The following MS4A18 variants were observed in gnomAD, a reference collection of about 807,000 sequenced individuals.
MS4A18 encodes membrane-spanning 4-domains subfamily A member 18.
A neutral mutation model predicts 13.1 loss-of-function variants in MS4A18; 27 were observed. That is an observed-to-expected ratio of 2.06 (90% CI 1.52 to 2.84). The LOEUF (loss-of-function observed/expected upper bound fraction) is 2.84, where lower values mean the gene tolerates loss of function less well. Among genes scored for constraint, MS4A18 ranks in the 30% most tolerant of loss-of-function variants. The pLI, the probability that MS4A18 is intolerant of heterozygous loss-of-function variation, is 0.00. For synonymous variants in MS4A18, 126 were observed against 76.5 expected (o/e 1.65, Z -3.38); for missense variants, 307 against 196.4 (o/e 1.56, Z -3.37).
chr11:60,727,218 G>A (rs567275878), upstream of MS4A18, among the ~76,000 whole-genome samples: 17 of 152,212 alleles, frequency 1.1e-4, no homozygotes, highest in Admixed American at 2.6e-4. Context: ...TTCTCTTATG[G>A]GTGGTCTCTA....
chr11:60,733,418 C>A (rs574704193), intron 1 of MS4A18, 116 bp from the exon 3 acceptor site: 1 of 668,204 alleles, frequency 1.5e-6, no homozygotes, highest in Non-Finnish European at 2.7e-6. Flanking sequence ...TGGGATGAGC[C>A]CCCAACACCA....
At chr11:60,729,030 C>T (rs923736084), upstream of MS4A18, among the ~76,000 whole-genome samples, 4 of 152,160 alleles carry the variant, frequency 2.6e-5, no homozygotes, top group Non-Finnish European at 5.9e-5. Context: ...GATTAAAATG[C>T]CAACTGCAGG....
At chr11:60,744,778 C>T (rs1225809436), downstream of MS4A18, among the ~76,000 whole-genome samples, 1 of 152,128 alleles carries the variant, frequency 6.6e-6, no homozygotes, top group Non-Finnish European at 1.5e-5. Context: ...ATGTTATTAG[C>T]CATTAAGTAC....
At chr11:60,738,853 C>T (rs1248430677) in intron 3 of MS4A18, 49 bp from the exon 5 acceptor site, 4 of 699,970 alleles carry the variant, frequency 5.7e-6, no homozygotes, top group Non-Finnish European at 1.0e-5. Flanking sequence ...AGCCAGGCTT[C>T]AGACTCTTCA....
chr11:60,743,482 T>C (rs1179888757), intron 5 of MS4A18, among the ~76,000 whole-genome samples, 168 bp from the exon 7 acceptor site: 1 of 152,192 alleles, frequency 6.6e-6, no homozygotes, highest in Non-Finnish European at 1.5e-5. Context: ...ACTGTACAGA[T>C]CATATTTACT....
chr11:60,739,973 G>A lies in MS4A18; in HGVS notation c.744+976G>A, dbSNP rs538516066. Among the ~76,000 whole-genome samples, 3 of 152,320 alleles carry A rather than the reference G, an allele frequency of 2.0e-5. No homozygotes were observed. In the East Asian group the frequency reaches 5.8e-4, roughly 29 times the overall value. On this transcript the variant is annotated intron_variant, in intron 4 of 5. Coordinates refer to ENST00000529108, the Ensembl canonical transcript of MS4A18. ...CTACAGGGGTGAGGGCAGTCCCTAA[G>A]GGGAGAGCTCCCTGAAGGCCCCAGG... is the stretch of plus-strand genomic sequence containing the variant.
At chr11:60,728,926 G>A (rs575868523), upstream of MS4A18, among the ~76,000 whole-genome samples, 1 of 152,292 alleles carries the variant, frequency 6.6e-6, no homozygotes, top group East Asian at 1.9e-4. Context: ...AGCATTTGGG[G>A]TCAGTTGTTC....
Position 60,729,806 on chromosome 11 carries a change from C to T in MS4A18, c.477+14C>T, listed in dbSNP as rs1853226402. ...TTAGGGGTGAGTGTGATTTCTCCTT[C>T]TCTCCGATTTGGGTCACTTCATAAG... On this transcript the variant is annotated intron_variant, in intron 1 of 5. Coordinates refer to ENST00000529108, the Ensembl canonical transcript of MS4A18. The T allele has an allele frequency of 5.9e-6, 4 of 677,566 alleles. No homozygotes were observed. The highest frequency in any genetic ancestry group is 1.1e-5 in the Non-Finnish European group (4 of 371,676). The allele number at this position is 677,566 out of a possible 1,614,324, so 42.0% of individuals were successfully genotyped here.
chr11:60,728,254 CA>C (rs1485250701), upstream of MS4A18, among the ~76,000 whole-genome samples: 1 of 152,174 alleles, frequency 6.6e-6, no homozygotes, highest in Non-Finnish European at 1.5e-5. Flanking sequence ...AAATCATACA[CA>C]AAATGCCTTA....
chr11:60,734,812 C>A (rs369547271), intron 2 of MS4A18, among the ~76,000 whole-genome samples: 1 of 147,372 alleles, frequency 6.8e-6, no homozygotes, highest in Admixed American at 6.8e-5. Context: ...GGTGGAGTCT[C>A]GCTCTGTTGC....
Position 60,738,212 on chromosome 11 carries a change from G to C in MS4A18, c.649-690G>C, listed in dbSNP as rs983075675. ...TAACCCTCTTAAAGGGAAGCAGCTTGAGTAGGGGATGGATAATGAATAATT... is the reference window on the plus strand; with the variant it reads ...TAACCCTCTTAAAGGGAAGCAGCTTCAGTAGGGGATGGATAATGAATAATT... On this transcript the variant is annotated intron_variant, in intron 3 of 5. Coordinates refer to ENST00000529108, the Ensembl canonical transcript of MS4A18. Among the ~76,000 whole-genome samples the C allele has an allele frequency of 7.9e-5, 12 of 152,286 alleles. 1 individual carries two copies. Among genetic ancestry groups the C allele is most frequent in the African/African-American group, 2.9e-4 (12 of 41,558 alleles).
chr11:60,728,996 C>A (rs1219262743), upstream of MS4A18, among the ~76,000 whole-genome samples: 3 of 152,144 alleles, frequency 2.0e-5, no homozygotes, highest in Non-Finnish European at 4.4e-5. Flanking sequence ...AGCCTGTGCC[C>A]ACTCAACAAA....
exon 1 of MS4A18, chr11:60,729,720 G>T (rs1038193602): frequency 1.4e-6 from 1 of 702,750 alleles, no homozygotes; most frequent in Non-Finnish European, 2.6e-6. Context: ...AGTGGAACAC[G>T]TCATTTGCAT....
chr11:60,737,864 C>G (rs1010033507), intron 3 of MS4A18, among the ~76,000 whole-genome samples: 8 of 152,212 alleles, frequency 5.3e-5, no homozygotes, highest in African/African-American at 1.9e-4. Flanking sequence ...GCAAGGCAAA[C>G]TCCTGTGGCC....
At chr11:60,741,053 C>A (rs765499169) in exon 5 of MS4A18, 1 of 703,026 alleles carries the variant, frequency 1.4e-6, no homozygotes, top group South Asian at 1.5e-5. Context: ...CGGTTTCTGG[C>A]GGTCTTCTCC....
chr11:60,733,943 T>C (rs1419053919), intron 2 of MS4A18, among the ~76,000 whole-genome samples: 1 of 151,972 alleles, frequency 6.6e-6, no homozygotes, highest in Non-Finnish European at 1.5e-5. Context: ...TTCTCTTTTA[T>C]GAGATATTTA....
chr11:60,739,071 G>C, intron 4 of MS4A18, 74 bp downstream of exon 5: 1 of 681,620 alleles, frequency 1.5e-6, no homozygotes, highest in Non-Finnish European at 2.7e-6. Flanking sequence ...CCCCAGAGCA[G>C]AATGGAATTG....
rs757635960 is a variant in MS4A18 at position 60,731,625 on chromosome 11, T to C, written c.477+1833T>C. Among the ~76,000 whole-genome samples, 38 of 152,324 alleles carry C rather than the reference T, an allele frequency of 2.5e-4. 1 individual carries two copies. The Middle Eastern group carries it at 0.02, about 82-fold the overall frequency. The stretch of plus-strand genomic sequence containing the variant: ...ATTTATAGCATTCTGTTTTTAGTAG[T>C]AGTATTCCCATTTACAAAATACAGT... On this transcript the variant is annotated intron_variant, in intron 1 of 5. Transcript: ENST00000529108.
intron 5 of MS4A18, among the ~76,000 whole-genome samples, chr11:60,742,168 G>C (rs924621587): frequency 2.0e-5 from 3 of 152,168 alleles, no homozygotes; most frequent in Admixed American, 6.5e-5. Flanking sequence ...CTTCCTGAGA[G>C]GAGCTTTCTA....
Sources: gnomAD v4.1 joint callset for allele counts (sites outside exome capture counted in the v4.1 genomes callset) on GRCh38, gnomAD v4.1.1 for gene constraint, MANE v1.5 for transcripts, NCBI Gene and HGNC (gene_info 2026-07-23, HGNC 2026-07-21) for gene names.